Variants in SATB2 observed in about 807,000 individuals in gnomAD.
The protein encoded by SATB2 is DNA-binding protein SATB2.
In SATB2, 1 loss-of-function variant was observed where a neutral mutation model predicts 73.4. That is an observed-to-expected ratio of 0.01 (90% CI 0.00 to 0.06). The LOEUF (loss-of-function observed/expected upper bound fraction) is 0.06, where lower values mean the gene tolerates loss of function less well. Ranked by LOEUF, SATB2 falls within the 10% of genes least tolerant of loss-of-function variation. The pLI is 1.00. For synonymous variants in SATB2, 397 were observed against 367.0 expected (o/e 1.08, Z -0.93); for missense variants, 459 against 945.8 (o/e 0.49, Z 6.75).
chr2:199,350,224 A>G (rs1688774610), intron 6 of SATB2, among the ~76,000 whole-genome samples: 1 of 152,214 alleles, frequency 6.6e-6, no homozygotes, highest in South Asian at 2.1e-4. Flanking sequence ...GATAACTTTA[A>G]GAAGCTAGAG....
intron 7 of SATB2, among the ~76,000 whole-genome samples, chr2:199,337,996 A>G (rs1688385745): frequency 6.6e-6 from 1 of 152,222 alleles, no homozygotes; most frequent in African/African-American, 2.4e-5. Context: ...AATAAAAATC[A>G]TACTGTAAAT....
chr2:199,325,707 T>A (rs982912603), intron 8 of SATB2, among the ~76,000 whole-genome samples: 11 of 152,138 alleles, frequency 7.2e-5, no homozygotes, highest in Non-Finnish European at 1.2e-4. Context: ...CCATGAGGGC[T>A]AAGACGAAAC....
intron 8 of SATB2, among the ~76,000 whole-genome samples, chr2:199,328,216 T>A (rs1688084611): frequency 6.6e-6 from 1 of 152,170 alleles, no homozygotes; most frequent in African/African-American, 2.4e-5. Flanking sequence ...GAAGTTCATA[T>A]CCTCTGACCA....
At chr2:199,366,749 T>C (rs1037676042) in intron 6 of SATB2, among the ~76,000 whole-genome samples, 2 of 149,820 alleles carry the variant, frequency 1.3e-5, no homozygotes, top group Non-Finnish European at 3.0e-5. Context: ...ACCAACTGAA[T>C]GAAATCAAGG....
intron 10 of SATB2, among the ~76,000 whole-genome samples, chr2:199,288,962 G>A (rs1347693409): frequency 6.6e-6 from 1 of 152,130 alleles, no homozygotes; most frequent in Non-Finnish European, 1.5e-5. Flanking sequence ...TCAAGTGAGA[G>A]CTTATCAGAC....
chr2:199,445,410 C>T (rs1691935644), intron 2 of SATB2, among the ~76,000 whole-genome samples: 2 of 152,134 alleles, frequency 1.3e-5, no homozygotes, highest in African/African-American at 4.8e-5. Flanking sequence ...ACACATGAAA[C>T]AAAATGGTTC....
In SATB2 at chr2:199,455,861, G is replaced by A. The variant is rs1298618264; in HGVS notation, c.169+8C>T. 3 of 1,536,022 alleles carry A rather than the reference G, an allele frequency of 2.0e-6. No homozygotes were observed. The South Asian group carries it at 3.6e-5, about 18-fold the overall frequency. The stretch of plus-strand genomic sequence containing the variant: ...CGGGCTGCGCGCCTCCCTGCTCCGG[G>A]CTGTTACCTCCCACGGCCTTGGCCA... On this transcript the variant is annotated splice_region_variant and intron_variant, in intron 2 of 10. Transcript: ENST00000417098. This position sits in a 1 kb window ranked among gnomAD's most constrained non-coding sequence, Gnocchi z 4.1.
intron 3 of SATB2, among the ~76,000 whole-genome samples, chr2:199,430,049 G>A (rs990098088): frequency 6.6e-6 from 1 of 152,172 alleles, no homozygotes; most frequent in South Asian, 2.1e-4. Flanking sequence ...TGCCATCACG[G>A]CTGCCTCCCA....
intron 10 of SATB2, among the ~76,000 whole-genome samples, chr2:199,296,463 G>A (rs1334653445): frequency 6.6e-6 from 1 of 152,126 alleles, no homozygotes; most frequent in African/African-American, 2.4e-5. Context: ...GGCCGAGGCA[G>A]GTAGACTGCT....
chr2:199,358,647 A>G (rs1300643261), intron 6 of SATB2, among the ~76,000 whole-genome samples: 3 of 152,172 alleles, frequency 2.0e-5, no homozygotes, highest in Non-Finnish European at 4.4e-5. Context: ...AGCAAAGCCT[A>G]CCAGCCAGCA....
intron 3 of SATB2, chr2:199,396,450 G>A (rs368885697): frequency 6.6e-6 from 1 of 152,144 alleles, no homozygotes; most frequent in African/African-American, 2.4e-5. Flanking sequence ...TATTACAAGT[G>A]TAAGGCCTAC....
At chr2:199,375,745 C>T (rs1450930237) in intron 5 of SATB2, among the ~76,000 whole-genome samples, 1 of 152,146 alleles carries the variant, frequency 6.6e-6, no homozygotes, top group African/African-American at 2.4e-5. Context: ...AACAAGCCAC[C>T]TTTCTCACCT....
At chr2:199,458,672 A>C (rs764552684), upstream of SATB2, 2 of 442,204 alleles carry the variant, frequency 4.5e-6, no homozygotes, top group South Asian at 3.2e-5. Context: ...GCAAGAGGCG[A>C]CCGCGGCTGC....
chr2:199,449,919 G>C (rs745587562), intron 2 of SATB2, among the ~76,000 whole-genome samples: 1 of 152,060 alleles, frequency 6.6e-6, no homozygotes, highest in Non-Finnish European at 1.5e-5. Context: ...ACAAAGAAAA[G>C]AATAGAAACT....
At chr2:199,367,951 T>C (rs890118005) in intron 6 of SATB2, among the ~76,000 whole-genome samples, 25 of 152,274 alleles carry the variant, frequency 1.6e-4, no homozygotes, top group Admixed American at 1.6e-3. Flanking sequence ...ACTGCTAGTA[T>C]GACTACTACT....
At chr2:199,288,819 A>G (rs1234531921) in intron 10 of SATB2, among the ~76,000 whole-genome samples, 2 of 152,234 alleles carry the variant, frequency 1.3e-5, no homozygotes, top group Non-Finnish European at 2.9e-5. Context: ...AGTTTATTAT[A>G]CCCAGAAGTC....
chr2:199,344,585 C>T (rs1688597524), intron 7 of SATB2, among the ~76,000 whole-genome samples: 3 of 152,182 alleles, frequency 2.0e-5, no homozygotes, highest in Admixed American at 6.5e-5. Context: ...CTCTTGGCCT[C>T]CTGCCATACC....
At chr2:199,453,190 C>T (rs1158572313) in intron 2 of SATB2, among the ~76,000 whole-genome samples, 3 of 152,120 alleles carry the variant, frequency 2.0e-5, no homozygotes, top group Non-Finnish European at 2.9e-5. Context: ...TACCTCACTG[C>T]TTATCAAAAA....
chr2:199,326,635 T>A (rs1247113673), intron 8 of SATB2, among the ~76,000 whole-genome samples: 1 of 152,158 alleles, frequency 6.6e-6, no homozygotes, highest in Non-Finnish European at 1.5e-5. Flanking sequence ...GGCCATGAAG[T>A]ATGCCTGGGC....
Sources: allele counts gnomAD v4.1 joint callset (sites outside exome capture counted in the v4.1 genomes callset), GRCh38; gene constraint gnomAD v4.1.1; non-coding constraint Gnocchi (gnomAD v3.1); transcripts MANE v1.5; gene names NCBI Gene and HGNC (gene_info 2026-07-23, HGNC 2026-07-21).